The following ZNF678 variants were observed in gnomAD, a reference collection of about 807,000 sequenced individuals.
ZNF678 encodes zinc finger protein 678, also known as hypothetical protein MGC42493.
ZNF678 carries 5 observed loss-of-function variants against 3.0 expected under a neutral mutation model. The ratio of observed to expected loss-of-function variants is 1.69; its 90% CI spans 0.88 to 3.56. The LOEUF (loss-of-function observed/expected upper bound fraction) is 3.56, where lower values mean the gene tolerates loss of function less well. ZNF678 is among the 30% of genes most tolerant of loss of function. The pLI, the probability that ZNF678 is intolerant of heterozygous loss-of-function variation, is 0.00. For missense variants in ZNF678, 593 were observed against 605.0 expected, an observed-to-expected ratio of 0.98 and a Z score of 0.21; for synonymous variants, 218 against 199.6, an observed-to-expected ratio of 1.09 and a Z score of -0.78.
intron 1 of ZNF678, among the ~76,000 whole-genome samples, chr1:227,619,788 A>C (rs1470505677): frequency 6.6e-6 from 1 of 152,094 alleles, no homozygotes; most frequent in Non-Finnish European, 1.5e-5. Flanking sequence ...CTGAGGTTGC[A>C]ATTTTTTGAA....
intron 5 of ZNF678, among the ~76,000 whole-genome samples, chr1:227,673,325 C>A (rs552999606): frequency 7.2e-5 from 11 of 152,326 alleles, no homozygotes; most frequent in African/African-American, 2.6e-4. Flanking sequence ...CTGTTCATAT[C>A]TCCTGTCTTA....
At chr1:227,592,258 C>A (rs1178192758) in intron 1 of ZNF678, among the ~76,000 whole-genome samples, 2 of 152,310 alleles carry the variant, frequency 1.3e-5, no homozygotes, top group African/African-American at 4.8e-5. Flanking sequence ...TAATGATGTC[C>A]TTTGGTATTT....
intron 1 of ZNF678, among the ~76,000 whole-genome samples, chr1:227,631,734 G>A (rs1339654184): frequency 6.6e-6 from 1 of 152,174 alleles, no homozygotes; most frequent in Non-Finnish European, 1.5e-5. Flanking sequence ...AAAAAGATGG[G>A]CTTGCTGGTT....
At chr1:227,629,574 C>T (rs1424753401) in intron 1 of ZNF678, among the ~76,000 whole-genome samples, 3 of 152,186 alleles carry the variant, frequency 2.0e-5, no homozygotes, top group Admixed American at 6.5e-5. Context: ...CTGAGAAGGC[C>T]GTGCCAGTGT....
At chr1:227,601,652 C>T (rs1657742206) in intron 1 of ZNF678, among the ~76,000 whole-genome samples, 1 of 152,050 alleles carries the variant, frequency 6.6e-6, no homozygotes, top group Non-Finnish European at 1.5e-5. Context: ...GCAACCTCCA[C>T]CTCCCAGGTT....
At chr1:227,591,951 G>A (rs1212785603) in intron 1 of ZNF678, among the ~76,000 whole-genome samples, 2 of 152,180 alleles carry the variant, frequency 1.3e-5, no homozygotes, top group Non-Finnish European at 2.9e-5. Context: ...GCGTGGACCA[G>A]TCAGTTTCCG....
intron 1 of ZNF678, among the ~76,000 whole-genome samples, chr1:227,567,594 C>T (rs564722447): frequency 6.6e-6 from 1 of 152,252 alleles, no homozygotes; most frequent in South Asian, 2.1e-4. Flanking sequence ...GGTTCAGAAG[C>T]TCTTTCTGAG....
rs1659349215 is a variant in ZNF678, at chr1:227,659,717, A to G, written c.*3889A>G. The G allele has an allele frequency of 1.3e-5, 2 of 152,186 alleles. No homozygotes were observed. Among genetic ancestry groups the G allele is most frequent in the South Asian group, 4.1e-4 (2 of 4,836 alleles). 9.4% of individuals were successfully genotyped at this position (152,186 alleles called of 1,614,324 possible). On this transcript the variant is annotated 3_prime_UTR_variant, in exon 4 of 4. Coordinates refer to ENST00000343776, the MANE Select transcript of ZNF678 (RefSeq NM_001367909.1). ...GTATTTGGAGCATTGCTATCGCTCC[A>G]TGATGTGTTTAAAAATTATTTTTAA...
intron 2 of ZNF678, among the ~76,000 whole-genome samples, chr1:227,650,058 C>T (rs1479661110): frequency 6.6e-6 from 1 of 151,956 alleles, no homozygotes; most frequent in African/African-American, 2.4e-5. Flanking sequence ...GTTGCCTGTA[C>T]TTTTGATGTC....
At chr1:227,593,862 C>A (rs996519837) in intron 1 of ZNF678, among the ~76,000 whole-genome samples, 5 of 69,046 alleles carry the variant, frequency 7.2e-5, no homozygotes, top group East Asian at 7.1e-4. Flanking sequence ...CCATCCCCCC[C>A]CCCCCTTTTT....
At chr1:227,581,074 G>A (rs1043764196) in intron 1 of ZNF678, among the ~76,000 whole-genome samples, 1 of 152,016 alleles carries the variant, frequency 6.6e-6, no homozygotes, top group African/African-American at 2.4e-5. Context: ...AATGAAAAAG[G>A]TTTAATAAAT....
intron 1 of ZNF678, among the ~76,000 whole-genome samples, chr1:227,597,172 G>C (rs973825008): frequency 1.3e-5 from 2 of 152,214 alleles, no homozygotes; most frequent in African/African-American, 4.8e-5. Flanking sequence ...GGAAACAAAG[G>C]GGTGGGCCAA....
intron 1 of ZNF678, among the ~76,000 whole-genome samples, chr1:227,583,569 T>C (rs1030195650): frequency 2.0e-5 from 3 of 151,890 alleles, no homozygotes; most frequent in Admixed American, 6.6e-5. Flanking sequence ...TTAGAAAAAC[T>C]AAAAACACTT....
At chr1:227,678,072 A>G (rs1371607199), downstream of ZNF678, among the ~76,000 whole-genome samples, 1 of 152,110 alleles carries the variant, frequency 6.6e-6, no homozygotes, top group Non-Finnish European at 1.5e-5. Flanking sequence ...TGGGACTACA[A>G]CCCCAGACCC....
At position 227,656,959 on chromosome 1, in the gene ZNF678, T is replaced by C. The variant is rs1214329990; in HGVS notation, c.*1131T>C. ...CTGGGTAACAGTGAAAGGACACCTC[T>C]AGTAATCTCTTTTCCCAGTGGCTTT... On this transcript the variant is annotated 3_prime_UTR_variant, in exon 4 of 4. Transcript: ENST00000343776. 1 of 151,996 alleles carries C rather than the reference T, an allele frequency of 6.6e-6. No individual in the cohort carries two copies. The highest frequency in any genetic ancestry group is 2.4e-5 in the African/African-American group (1 of 41,430). 9.4% of individuals were successfully genotyped at this position (151,996 alleles called of 1,614,324 possible).
At chr1:227,606,067 G>A (rs1029747223) in intron 1 of ZNF678, among the ~76,000 whole-genome samples, 4 of 152,070 alleles carry the variant, frequency 2.6e-5, no homozygotes, top group African/African-American at 9.7e-5. Flanking sequence ...CTCACCGGTG[G>A]GACAAGAGAC....
chr1:227,599,049 G>A (rs1276309759), intron 1 of ZNF678: 26 of 1,586,388 alleles, frequency 1.6e-5, no homozygotes, highest in Middle Eastern at 2.3e-4. Flanking sequence ...GGCCTTGGTC[G>A]ATTCAAATAA....
downstream of ZNF678, among the ~76,000 whole-genome samples, chr1:227,678,193 G>A (rs1209317019): frequency 6.6e-6 from 1 of 152,144 alleles, no homozygotes; most frequent in Non-Finnish European, 1.5e-5. Flanking sequence ...AAACGCCTGG[G>A]TCGAATTGGT....
intron 2 of ZNF678, 143 bp downstream of exon 2, chr1:227,646,813 G>T (rs1658971389): frequency 1.4e-6 from 1 of 735,322 alleles, no homozygotes; most frequent in Non-Finnish European, 1.9e-6. Flanking sequence ...GGAATTTGTT[G>T]GTGTAGAAAA....
Sources: gnomAD v4.1 joint callset for allele counts (sites outside exome capture counted in the v4.1 genomes callset) on GRCh38, gnomAD v4.1.1 for gene constraint, MANE v1.5 for transcripts, NCBI Gene and HGNC (gene_info 2026-07-23, HGNC 2026-07-21) for gene names.